Variants in UBE2G1 observed in about 807,000 individuals in gnomAD.
UBE2G1 encodes ubiquitin-conjugating enzyme E2 G1.
A neutral mutation model predicts 22.7 loss-of-function variants in UBE2G1; 5 were observed. That is an observed-to-expected ratio of 0.22 (90% CI 0.12 to 0.46). The LOEUF is 0.46. UBE2G1 is among the 20% of genes least tolerant of loss of function. The pLI is 0.99. For missense variants in UBE2G1, 88 were observed against 203.9 expected, an observed-to-expected ratio of 0.43 and a Z score of 3.46; for synonymous variants, 74 against 67.5, an observed-to-expected ratio of 1.10 and a Z score of -0.47.
chr17:4,352,970 G>A (rs982806313), intron 1 of UBE2G1, among the ~76,000 whole-genome samples: 17 of 152,126 alleles, frequency 1.1e-4, no homozygotes, highest in African/African-American at 4.1e-4. Context: ...TGTAATCCCA[G>A]CACTTTAGGA....
chr17:4,293,136 T>TC (rs1297536348), intron 3 of UBE2G1, among the ~76,000 whole-genome samples: 1 of 151,712 alleles, frequency 6.6e-6, no homozygotes, highest in Non-Finnish European at 1.5e-5. Context: ...CATTCCTCAA[T>TC]CCCCCCCACC....
chr17:4,351,048 A>T (rs1053600920), intron 1 of UBE2G1, among the ~76,000 whole-genome samples: 8 of 150,474 alleles, frequency 5.3e-5, no homozygotes, highest in African/African-American at 2.0e-4. Flanking sequence ...AAAAAAAAAA[A>T]TTTAGCCAGG....
intron 4 of UBE2G1, among the ~76,000 whole-genome samples, chr17:4,286,715 G>T (rs1201025252): frequency 6.6e-6 from 1 of 152,076 alleles, no homozygotes. Context: ...GCATATTCAT[G>T]GTCTTGGTTA....
At chr17:4,359,288 T>G (rs983373152) in intron 1 of UBE2G1, among the ~76,000 whole-genome samples, 4 of 152,216 alleles carry the variant, frequency 2.6e-5, no homozygotes, top group African/African-American at 9.6e-5. Context: ...CTTTGTTTTT[T>G]GTATTTTTAA....
intron 4 of UBE2G1, among the ~76,000 whole-genome samples, chr17:4,284,245 T>G (rs776220191): frequency 2.0e-5 from 3 of 151,838 alleles, no homozygotes; most frequent in Non-Finnish European, 4.4e-5. Flanking sequence ...ATCCAAAATT[T>G]TAACTTTCCC....
chr17:4,291,305 A>G (rs1251064994), intron 3 of UBE2G1, among the ~76,000 whole-genome samples: 1 of 148,238 alleles, frequency 6.7e-6, no homozygotes, highest in Non-Finnish European at 1.5e-5. Flanking sequence ...GGTTGCCATG[A>G]GCCAACATCA....
chr17:4,345,132 G>A (rs1408554477), intron 1 of UBE2G1, among the ~76,000 whole-genome samples: 1 of 152,132 alleles, frequency 6.6e-6, no homozygotes, highest in African/African-American at 2.4e-5. Context: ...CACCAAATGG[G>A]CAGCCAGAAA....
chr17:4,301,353 G>A, intron 2 of UBE2G1: 1 of 500,484 alleles, frequency 2.0e-6, no homozygotes, highest in Non-Finnish European at 3.7e-6. Context: ...CGCAATGGAG[G>A]AGAAGGATGA....
intron 5 of UBE2G1, 46 bp downstream of exon 5, chr17:4,282,752 G>A (rs1030591888): frequency 6.3e-6 from 8 of 1,271,204 alleles, no homozygotes; most frequent in Middle Eastern, 2.3e-4. Context: ...AAAACTAATA[G>A]GATACTTACA....
chr17:4,347,756 G>A (rs1295790261), intron 1 of UBE2G1, among the ~76,000 whole-genome samples: 2 of 152,088 alleles, frequency 1.3e-5, no homozygotes, highest in African/African-American at 2.4e-5. Flanking sequence ...GGATAAAGGC[G>A]TGAGCCACCG....
intron 1 of UBE2G1, among the ~76,000 whole-genome samples, chr17:4,358,537 TC>T (rs1410557836): frequency 2.0e-5 from 3 of 152,222 alleles, no homozygotes; most frequent in Admixed American, 6.6e-5. Flanking sequence ...CAAATGTTCT[TC>T]CAGTTTGTAG....
chr17:4,341,820 T>C (rs1969716438), intron 1 of UBE2G1, among the ~76,000 whole-genome samples: 1 of 152,180 alleles, frequency 6.6e-6, no homozygotes, highest in Admixed American at 6.6e-5. Context: ...AAACTCTTTT[T>C]TGACACAGCT....
At chr17:4,358,042 T>C (rs1969927341) in intron 1 of UBE2G1, among the ~76,000 whole-genome samples, 1 of 152,162 alleles carries the variant, frequency 6.6e-6, no homozygotes, top group African/African-American at 2.4e-5. Flanking sequence ...ATAGTGGATA[T>C]ACAATTATAC....
chr17:4,357,841 T>C (rs1969925156), intron 1 of UBE2G1, among the ~76,000 whole-genome samples: 1 of 151,952 alleles, frequency 6.6e-6, no homozygotes, highest in South Asian at 2.1e-4. Flanking sequence ...GGCTCACACC[T>C]GTAATCCCAA....
intron 2 of UBE2G1, among the ~76,000 whole-genome samples, chr17:4,297,473 G>A (rs191550634): frequency 2.0e-4 from 31 of 152,190 alleles, no homozygotes; most frequent in Non-Finnish European, 4.0e-4. Context: ...CTTGAAATAT[G>A]CCCTGTGACT....
At chr17:4,318,289 C>T (rs556955959) in intron 1 of UBE2G1, among the ~76,000 whole-genome samples, 136 of 152,228 alleles carry the variant, frequency 8.9e-4, no homozygotes, top group Admixed American at 3.8e-3. Context: ...AAGCCCATAC[C>T]TGAATTATTT....
intron 1 of UBE2G1, among the ~76,000 whole-genome samples, chr17:4,348,549 T>A (rs1418889742): frequency 3.5e-5 from 4 of 115,464 alleles, no homozygotes; most frequent in African/African-American, 1.5e-4. Flanking sequence ...CGAGACTCCG[T>A]CTCAAAAAAA....
At position 4,316,897 on chromosome 17, in the gene UBE2G1, G is replaced by A. The variant is rs1969381333; in HGVS notation, c.47-9774C>T. Among the ~76,000 whole-genome samples the A allele has an allele frequency of 4.1e-5, 6 of 146,794 alleles. No homozygotes were observed. The South Asian group carries it at 1.3e-3, about 31-fold the overall frequency. On this transcript the variant is annotated intron_variant, in intron 1 of 5. Coordinates refer to ENST00000396981, the MANE Select transcript of UBE2G1 (RefSeq NM_003342.5). The stretch of plus-strand genomic sequence containing the variant: ...TGAGGCTGCAGTAACCTAAGAAGGT[G>A]CCAATGCACTCCAGCTTGGAGCAAG...
intron 2 of UBE2G1, chr17:4,301,706 G>A (rs1969182176): frequency 1.5e-5 from 10 of 681,334 alleles, no homozygotes; most frequent in Non-Finnish European, 2.8e-5. Flanking sequence ...TTGGCTGATG[G>A]AATTTGAAAG....
Sources: gnomAD v4.1 joint callset for allele counts (sites outside exome capture counted in the v4.1 genomes callset) on GRCh38, gnomAD v4.1.1 for gene constraint, MANE v1.5 for transcripts, NCBI Gene and HGNC (gene_info 2026-07-23, HGNC 2026-07-21) for gene names.